P4HA1: variants seen among roughly 807,000 people sequenced by gnomAD.
P4HA1 encodes prolyl 4-hydroxylase subunit alpha-1.
A neutral mutation model predicts 72.8 loss-of-function variants in P4HA1; 24 were observed. The ratio of observed to expected loss-of-function variants is 0.33; its 90% CI spans 0.24 to 0.46. The LOEUF (loss-of-function observed/expected upper bound fraction) is 0.46. P4HA1 is among the 20% of genes least tolerant of loss of function. The probability of loss-of-function intolerance (pLI) is 1.00; values close to 1 mark genes in which losing one functional copy is unlikely to be tolerated. For missense variants in P4HA1, 446 were observed against 640.6 expected, an observed-to-expected ratio of 0.70 and a Z score of 3.28; for synonymous variants, 201 against 218.8, an observed-to-expected ratio of 0.92 and a Z score of 0.72.
chr10:73,016,799 T>C (rs12261668), intron 11 of P4HA1, 47 bp downstream of exon 11: 7 of 1,357,900 alleles, frequency 5.2e-6, no homozygotes, highest in East Asian at 4.6e-5. Context: ...AGACAAACAA[T>C]GTAATGCATA....
chr10:73,025,707 G>A (rs1840250174), intron 10 of P4HA1, among the ~76,000 whole-genome samples: 1 of 152,092 alleles, frequency 6.6e-6, no homozygotes, highest in Non-Finnish European at 1.5e-5. Context: ...TGTATATTTA[G>A]AAAACCCCAT....
intron 1 of P4HA1, among the ~76,000 whole-genome samples, chr10:73,087,531 G>A (rs1343689300): frequency 6.6e-6 from 1 of 152,130 alleles, no homozygotes; most frequent in Non-Finnish European, 1.5e-5. Context: ...TTCCCAAAGT[G>A]CTGGGATTAC....
chr10:73,044,724 C>A (rs1840812651), intron 9 of P4HA1, among the ~76,000 whole-genome samples: 1 of 152,136 alleles, frequency 6.6e-6, no homozygotes, highest in Admixed American at 6.5e-5. Flanking sequence ...TATTTGACAC[C>A]TGATCTGAAG....
intron 5 of P4HA1, among the ~76,000 whole-genome samples, 157 bp from the exon 6 acceptor site, chr10:73,053,747 C>T (rs1290023152): frequency 6.6e-6 from 1 of 152,100 alleles, no homozygotes; most frequent in African/African-American, 2.4e-5. Context: ...AACAATGGAA[C>T]AATCTATAAT....
intron 9 of P4HA1, among the ~76,000 whole-genome samples, chr10:73,030,660 C>T (rs1229786650): frequency 1.3e-5 from 2 of 152,114 alleles, no homozygotes; most frequent in African/African-American, 4.8e-5. Flanking sequence ...AAGCCACCTA[C>T]ATTGAGAACT....
intron 11 of P4HA1, among the ~76,000 whole-genome samples, chr10:73,014,976 G>GT (rs1564618413): frequency 2.0e-5 from 3 of 151,726 alleles, no homozygotes; most frequent in Non-Finnish European, 4.4e-5. Flanking sequence ...CTACAGGCGT[G>GT]TACCACCATG....
At chr10:73,074,685 G>C (rs954940552) in intron 2 of P4HA1, 123 bp downstream of exon 2, 1 of 605,920 alleles carries the variant, frequency 1.7e-6, no homozygotes, top group African/African-American at 1.9e-5. Context: ...GACCTTTTAG[G>C]GGGCAGGGAA....
Position 73,090,799 on chromosome 10 carries a change from G to A in P4HA1, c.-33+5967C>T, listed in dbSNP as rs560577553. ...CTGCAGGCCAGGTGCGGTGGCTCAT[G>A]CCTGTAATCCCAGCACTTTGGGAGG... On this transcript the variant is annotated intron_variant, in intron 1 of 14. Transcript: ENST00000394890. Among the ~76,000 whole-genome samples the A allele has an allele frequency of 2.2e-3, 341 of 152,166 alleles. 2 individuals are homozygous for A. The highest frequency in any genetic ancestry group is 7.6e-3 in the African/African-American group (317 of 41,540).
chr10:73,091,654 T>C (rs1317470034), intron 1 of P4HA1, among the ~76,000 whole-genome samples: 2 of 152,208 alleles, frequency 1.3e-5, no homozygotes, highest in African/African-American at 4.8e-5. Context: ...CTTTTAATTT[T>C]ATGACTTGTA....
At chr10:73,077,988 CAA>C (rs757941139) in intron 1 of P4HA1, among the ~76,000 whole-genome samples, 18 of 46,610 alleles carry the variant, frequency 3.9e-4, no homozygotes, top group South Asian at 7.9e-4. Flanking sequence ...GACCCCATCT[CAA>C]AAAAAAAAAA....
intron 10 of P4HA1, among the ~76,000 whole-genome samples, chr10:73,020,711 T>C (rs372297248): frequency 1.3e-5 from 2 of 152,220 alleles, no homozygotes; most frequent in East Asian, 3.9e-4. Flanking sequence ...CATCAAAAAG[T>C]TAATTTACTA....
chr10:73,021,669 G>A (rs1840138650), intron 10 of P4HA1, among the ~76,000 whole-genome samples: 1 of 152,226 alleles, frequency 6.6e-6, no homozygotes, highest in Non-Finnish European at 1.5e-5. Context: ...TAGAGAATGA[G>A]CCAAAGCAGG....
chr10:73,031,064 A>AT (rs57899071), intron 9 of P4HA1, among the ~76,000 whole-genome samples: 24,197 of 152,200 alleles, frequency 0.16, 3,206 homozygotes, highest in African/African-American at 0.34. Context: ...CTTGTACAGA[A>AT]TTTTTTATGG....
Position 73,086,351 on chromosome 10 carries a change from A to G in P4HA1, c.-33+10415T>C, listed in dbSNP as rs546676858. Among the ~76,000 whole-genome samples, 22 of 152,372 alleles carry G rather than the reference A, an allele frequency of 1.4e-4. No homozygotes were observed. In the South Asian group the frequency reaches 4.6e-3, roughly 32 times the overall value. On this transcript the variant is annotated intron_variant, in intron 1 of 14. Coordinates refer to ENST00000394890, the MANE Select transcript of P4HA1 (RefSeq NM_001017962.3). Reference sequence around the variant, plus strand: ...TGGAATATTATTTGGCTATAAACAGAAATGAAGTACTGATATATGTTATAA... The same window carrying G: ...TGGAATATTATTTGGCTATAAACAGGAATGAAGTACTGATATATGTTATAA...
chr10:73,060,835 C>A (rs186845271), intron 5 of P4HA1, among the ~76,000 whole-genome samples: 34 of 152,046 alleles, frequency 2.2e-4, no homozygotes, highest in African/African-American at 7.7e-4. Flanking sequence ...TATCCATATT[C>A]ATGATATGTC....
chr10:73,086,067 T>A (rs1226113416), intron 1 of P4HA1, among the ~76,000 whole-genome samples: 1 of 152,212 alleles, frequency 6.6e-6, no homozygotes, highest in Non-Finnish European at 1.5e-5. Flanking sequence ...ACTGGAACTC[T>A]GATACATTGC....
chr10:73,071,721 A>C (rs977892601), intron 4 of P4HA1, among the ~76,000 whole-genome samples: 13 of 152,126 alleles, frequency 8.5e-5, no homozygotes, highest in African/African-American at 2.7e-4. Context: ...TAAAGACATA[A>C]ATTTTTAAAG....
At chr10:73,061,427 G>C (rs971903908) in intron 5 of P4HA1, among the ~76,000 whole-genome samples, 1 of 147,732 alleles carries the variant, frequency 6.8e-6, no homozygotes, top group African/African-American at 2.6e-5. Context: ...GTCATAAAGA[G>C]AAAGAAAAAA....
intron 3 of P4HA1, 30 bp from the exon 4 acceptor site, chr10:73,072,210 T>C: frequency 6.4e-7 from 1 of 1,559,750 alleles, no homozygotes; most frequent in Non-Finnish European, 8.7e-7. Flanking sequence ...AAACTGAATA[T>C]TTATATTTCA....
Sources: allele counts gnomAD v4.1 joint callset (sites outside exome capture counted in the v4.1 genomes callset), GRCh38; gene constraint gnomAD v4.1.1; transcripts MANE v1.5; gene names NCBI Gene and HGNC (gene_info 2026-07-23, HGNC 2026-07-21).